INPP4B: variants seen among roughly 807,000 people sequenced by gnomAD.
INPP4B encodes inositol polyphosphate 4-phosphatase type II.
Under a neutral mutation model 122.5 loss-of-function variants are expected in INPP4B, and 55 were observed. The ratio of observed to expected loss-of-function variants is 0.45; its 90% CI spans 0.36 to 0.56. The LOEUF (loss-of-function observed/expected upper bound fraction) is 0.56, where lower values mean the gene tolerates loss of function less well. INPP4B is among the 20% of genes least tolerant of loss of function. INPP4B has a pLI of 0.00. For synonymous variants in INPP4B, 403 were observed against 388.7 expected, an observed-to-expected ratio of 1.04 and a Z score of -0.43; for missense variants, 1,000 against 1,097.7, an observed-to-expected ratio of 0.91 and a Z score of 1.26.
intron 18 of INPP4B, among the ~76,000 whole-genome samples, chr4:142,126,549 G>T (rs1798700390): frequency 6.6e-6 from 1 of 152,092 alleles, no homozygotes; most frequent in African/African-American, 2.4e-5. Context: ...ACATTAGAAT[G>T]TTAGAAATTA....
intron 18 of INPP4B, among the ~76,000 whole-genome samples, chr4:142,144,802 T>C (rs1280962337): frequency 6.6e-6 from 1 of 152,134 alleles, no homozygotes; most frequent in African/African-American, 2.4e-5. Flanking sequence ...TGATGAAAGA[T>C]TGATGTTTTA....
rs377302804 is a variant in INPP4B, at chr4:142,124,501, G to A, written c.1893+87C>T. On this transcript the variant is annotated intron_variant, in intron 19 of 25. Transcript: ENST00000262992. ...TAAGGATCTTTTTAAAAATAAAGCT[G>A]TCCCAATAAGAATTCTATTCATCAT... is the stretch of plus-strand genomic sequence containing the variant. The A allele has an allele frequency of 2.0e-5, 24 of 1,204,572 alleles. No individual in the cohort carries two copies. The East Asian group carries it at 3.4e-4, about 17-fold the overall frequency. 74.6% of individuals were successfully genotyped at this position (1,204,572 alleles called of 1,614,324 possible).
chr4:142,240,648 TTTATCA>T (rs1200256326), intron 11 of INPP4B, among the ~76,000 whole-genome samples: 1 of 152,184 alleles, frequency 6.6e-6, no homozygotes, highest in East Asian at 1.9e-4. Flanking sequence ...ATTGCGTATC[TTTATCA>T]TTATCTCAAT....
intron 9 of INPP4B, among the ~76,000 whole-genome samples, chr4:142,275,716 TA>T (rs1355570017): frequency 6.6e-6 from 1 of 151,876 alleles, no homozygotes; most frequent in African/African-American, 2.4e-5. Context: ...GCTTTCAAAT[TA>T]ATAGTAAAAT....
At chr4:142,038,911 A>T (rs1167883376) in intron 25 of INPP4B, among the ~76,000 whole-genome samples, 1 of 152,094 alleles carries the variant, frequency 6.6e-6, no homozygotes, top group Non-Finnish European at 1.5e-5. Flanking sequence ...GTTTTTGTAT[A>T]AGCTCAAAAT....
At chr4:142,169,366 T>G (rs1196861011) in intron 16 of INPP4B, among the ~76,000 whole-genome samples, 1 of 151,698 alleles carries the variant, frequency 6.6e-6, no homozygotes. Flanking sequence ...CTCATTAAGT[T>G]CTTTCCCACA....
Position 142,485,783 on chromosome 4 carries a change from G to T in INPP4B, c.-190-23057C>A, listed in dbSNP as rs28576569. ...TTACTACTAGAACTGGTAATTACACGCATAAACTAGTGTTCTCATTATACA... is the reference window on the plus strand; with the variant it reads ...TTACTACTAGAACTGGTAATTACACTCATAAACTAGTGTTCTCATTATACA... On this transcript the variant is annotated intron_variant, in intron 2 of 25. Transcript: ENST00000262992. Among the ~76,000 whole-genome samples the T allele has an allele frequency of 9.7e-3, 1,481 of 152,118 alleles. 20 individuals are homozygous for T. Among genetic ancestry groups the T allele is most frequent in the African/African-American group, 0.033 (1,377 of 41,492 alleles).
chr4:142,390,272 TA>T (rs1278729508), intron 7 of INPP4B, among the ~76,000 whole-genome samples: 2 of 152,128 alleles, frequency 1.3e-5, no homozygotes, highest in African/African-American at 2.4e-5. Flanking sequence ...TAGAAGATAA[TA>T]AAAATGTTTT....
intron 1 of INPP4B, among the ~76,000 whole-genome samples, chr4:142,745,897 G>A (rs566726080): frequency 4.1e-4 from 62 of 151,860 alleles, no homozygotes; most frequent in African/African-American, 1.5e-3. Context: ...AAATATGTAT[G>A]CACCTGATAA....
rs747224392 is a variant in INPP4B, at chr4:142,173,720, A to G, written c.1271T>C (p.Ile424Thr). The G allele has an allele frequency of 1.1e-5, 17 of 1,613,256 alleles. 1 individual carries two copies. In the African/African-American group the frequency reaches 1.5e-4, roughly 14 times the overall value. The change falls in exon 16 of 26, where the codon ATA (isoleucine) becomes ACA (threonine). Residue 424 changes from isoleucine (I) to threonine (T), a missense_variant. Transcript: ENST00000262992. ...AAGCAGTAGGTCTGCATGGGTTGCT[A>G]TAAGAGGTTGTAGTTGATTGATGTT... ...LSNINQLQPL[I>T]ATHADLLLNS...
chr4:142,502,317 T>G (rs1043292068), intron 2 of INPP4B, among the ~76,000 whole-genome samples: 8 of 152,066 alleles, frequency 5.3e-5, no homozygotes, highest in Admixed American at 6.6e-5. Context: ...GAACCCAAAT[T>G]TTTAGCCTTA....
At chr4:142,167,875 T>C (rs1367839839) in intron 16 of INPP4B, among the ~76,000 whole-genome samples, 3 of 151,722 alleles carry the variant, frequency 2.0e-5, no homozygotes, top group African/African-American at 7.2e-5. Context: ...CTTTCCTTTA[T>C]GATTTGTTGT....
chr4:142,434,476 G>T (rs976895753), intron 3 of INPP4B, among the ~76,000 whole-genome samples: 4 of 152,174 alleles, frequency 2.6e-5, no homozygotes, highest in Non-Finnish European at 5.9e-5. Flanking sequence ...GTGGAAGAGA[G>T]CCCATCAAGT....
chr4:142,434,104 G>A (rs1562091210), intron 3 of INPP4B, among the ~76,000 whole-genome samples: 1 of 152,130 alleles, frequency 6.6e-6, no homozygotes, highest in Non-Finnish European at 1.5e-5. Context: ...ACCGAGACGT[G>A]ATATTTTTTA....
At chr4:142,153,154 G>A (rs974650661) in intron 17 of INPP4B, among the ~76,000 whole-genome samples, 2 of 152,146 alleles carry the variant, frequency 1.3e-5, no homozygotes, top group Non-Finnish European at 2.9e-5. Flanking sequence ...ATTGACTAAA[G>A]CTTTTAACTT....
chr4:142,649,125 G>A (rs1277534476), intron 2 of INPP4B, among the ~76,000 whole-genome samples: 2 of 152,300 alleles, frequency 1.3e-5, no homozygotes, highest in Non-Finnish European at 2.9e-5. Flanking sequence ...TGCAGCTGAG[G>A]GACCTGACTG....
At chr4:142,464,362 C>T (rs1817322588) in intron 2 of INPP4B, among the ~76,000 whole-genome samples, 1 of 151,916 alleles carries the variant, frequency 6.6e-6, no homozygotes, top group Non-Finnish European at 1.5e-5. Context: ...AACCATTGTA[C>T]CTCATTTGAA....
intron 10 of INPP4B, among the ~76,000 whole-genome samples, chr4:142,263,051 A>G (rs1472326323): frequency 6.6e-6 from 1 of 152,200 alleles, no homozygotes; most frequent in Non-Finnish European, 1.5e-5. Flanking sequence ...GCTGCATTCC[A>G]ATACAACACA....
chr4:142,232,881 A>T (rs1366691651), intron 12 of INPP4B, among the ~76,000 whole-genome samples: 1 of 152,196 alleles, frequency 6.6e-6, no homozygotes, highest in Non-Finnish European at 1.5e-5. Flanking sequence ...AGATCAAACC[A>T]GCCACAACAT....
Sources: gnomAD v4.1 joint callset for allele counts (sites outside exome capture counted in the v4.1 genomes callset) on GRCh38, gnomAD v4.1.1 for gene constraint, MANE v1.5 for transcripts, NCBI Gene and HGNC (gene_info 2026-07-23, HGNC 2026-07-21) for gene names.